Variants in ASAH1 observed in about 807,000 individuals in gnomAD.
The protein encoded by ASAH1 is acid ceramidase.
In ASAH1, 70 loss-of-function variants were observed where a neutral mutation model predicts 59.5. The ratio of observed to expected loss-of-function variants is 1.18; its 90% confidence interval spans 0.97 to 1.43. ASAH1 has a LOEUF of 1.43. ASAH1 is among the 40% of genes most tolerant of loss of function. The pLI, the probability that ASAH1 is intolerant of heterozygous loss-of-function variation, is 0.00. For missense variants in ASAH1, 660 were observed against 482.5 expected, an observed-to-expected ratio of 1.37 and a Z score of -3.45; for synonymous variants, 213 against 166.5, an observed-to-expected ratio of 1.28 and a Z score of -2.15.
rs112776576 is a variant in ASAH1 at position 18,077,852 on chromosome 8, C to T, written c.79-2265G>A. ...TAAGTTCTGCTGTGAGGAGATACTCCGCTTTACATTTTCTTGTTTATCTGA... is the reference window on the plus strand; with the variant it reads ...TAAGTTCTGCTGTGAGGAGATACTCTGCTTTACATTTTCTTGTTTATCTGA... On this transcript the variant is annotated intron_variant, in intron 1 of 13. Transcript: ENST00000637790. Among the ~76,000 whole-genome samples the T allele has an allele frequency of 3.3e-5, 5 of 152,136 alleles. 1 individual carries two copies. The highest frequency in any genetic ancestry group is 7.2e-5 in the African/African-American group (3 of 41,494).
intron 2 of ASAH1, among the ~76,000 whole-genome samples, chr8:18,073,742 CTGTT>C (rs1800272419): frequency 1.3e-5 from 2 of 152,206 alleles, no homozygotes; most frequent in African/African-American, 4.8e-5. Context: ...AACAGAACGT[CTGTT>C]TGTCATTCAA....
intron 13 of ASAH1, 21 bp downstream of exon 13, chr8:18,058,814 T>C: frequency 6.3e-7 from 1 of 1,594,222 alleles, no homozygotes. Flanking sequence ...AAGGCAAATA[T>C]ACATATAACA....
intron 2 of ASAH1, 139 bp from the exon 3 acceptor site, chr8:18,071,529 G>A: frequency 1.6e-6 from 1 of 618,824 alleles, no homozygotes; most frequent in Non-Finnish European, 3.0e-6. Context: ...AATTTGGAAA[G>A]AAAGTTCATT....
chr8:18,084,421 T>C (rs1800809502), upstream of ASAH1: 2 of 1,370,394 alleles, frequency 1.5e-6, no homozygotes, highest in South Asian at 3.0e-5. Context: ...GGCGCCTCGA[T>C]GGGGCGCCTC....
upstream of ASAH1, chr8:18,084,961 C>T: frequency 9.8e-7 from 1 of 1,019,480 alleles, no homozygotes; most frequent in Non-Finnish European, 1.5e-6. Flanking sequence ...GGTTGGATTT[C>T]AAAGTCCAGC....
intron 11 of ASAH1, 52 bp from the exon 12 acceptor site, chr8:18,059,516 A>C: frequency 6.2e-7 from 1 of 1,614,216 alleles, no homozygotes; most frequent in South Asian, 1.1e-5. Flanking sequence ...TAAAACTCAA[A>C]GTATATCAGT....
upstream of ASAH1, chr8:18,084,819 T>C (rs1393859364): frequency 6.2e-7 from 1 of 1,612,486 alleles, no homozygotes; most frequent in African/African-American, 1.3e-5. Context: ...CTGTGTTTCC[T>C]CCTAACTGGC....
chr8:18,059,908 G>C (rs1382291260), intron 10 of ASAH1: 2 of 508,512 alleles, frequency 3.9e-6, no homozygotes, highest in Admixed American at 6.5e-5. Flanking sequence ...TTAGGTATTT[G>C]TCCTAATGCT....
chr8:18,066,422 C>CAAAAAAAAAA (rs35999931), intron 5 of ASAH1: 5 of 127,338 alleles, frequency 3.9e-5, no homozygotes, highest in Non-Finnish European at 6.8e-5. Flanking sequence ...CAAAGAAAAC[C>CAAAAAAAAAA]AAAAAAAAAA....
chr8:18,062,030 A>C lies in ASAH1; in HGVS notation c.648+249T>G, dbSNP rs1799725057. On this transcript the variant is annotated intron_variant, in intron 8 of 13. Coordinates refer to ENST00000637790, the MANE Select transcript of ASAH1 (RefSeq NM_177924.5). ...AGCGGAAGACCCAGGACTAGAAATC[A>C]GATTGTGACTCCCAGCCCTTGACAC... 4.8e-6 allele frequency: 3 copies of C among 621,690 alleles called. No homozygotes were observed. In the African/African-American group the frequency reaches 5.5e-5, roughly 11 times the overall value. The allele number at this position is 621,690 out of a possible 1,614,324, so 38.5% of individuals were successfully genotyped here. A position where few individuals can be genotyped will look rare whatever the true frequency, so the allele number is the denominator to read the frequency against.
intron 2 of ASAH1, among the ~76,000 whole-genome samples, chr8:18,071,933 T>C (rs909910509): frequency 1.3e-5 from 2 of 152,202 alleles, no homozygotes; most frequent in Non-Finnish European, 2.9e-5. Context: ...CATCCTAATC[T>C]TCCCTACTAT....
intron 7 of ASAH1, chr8:18,062,897 G>C: frequency 3.3e-6 from 1 of 300,162 alleles, no homozygotes; most frequent in Non-Finnish European, 6.0e-6. Flanking sequence ...TTGAGATGGA[G>C]TCTGGCTCTG....
At chr8:18,062,498 C>T (rs1472596919) in intron 7 of ASAH1, 75 bp from the exon 8 acceptor site, 3 of 1,511,360 alleles carry the variant, frequency 2.0e-6, no homozygotes, top group Non-Finnish European at 1.8e-6. Flanking sequence ...GAGGGCCAGG[C>T]ATTACACTAG....
chr8:18,057,720 G>GTTATA, intron 13 of ASAH1, 97 bp from the exon 14 acceptor site: 2 of 699,472 alleles, frequency 2.9e-6, no homozygotes, highest in Non-Finnish European at 4.5e-6. Context: ...TGCTTTAGAA[G>GTTATA]TTATTTAATA....
intron 2 of ASAH1, 78 bp from the exon 3 acceptor site, chr8:18,071,468 T>A: frequency 1.0e-6 from 1 of 972,052 alleles, no homozygotes; most frequent in East Asian, 2.8e-5. Context: ...TATAAGAATA[T>A]ATGAGAGGCA....
intron 2 of ASAH1, 161 bp from the exon 3 acceptor site, chr8:18,071,551 G>T (rs1161398792): frequency 8.4e-6 from 5 of 592,970 alleles, no homozygotes; most frequent in Non-Finnish European, 1.6e-5. Context: ...TCTACCTAGT[G>T]CTTCTAGGTT....
chr8:18,080,867 T>C lies in ASAH1; in HGVS notation c.78+3114A>G, dbSNP rs565831958. 1.2e-4 allele frequency among the ~76,000 whole-genome samples: 18 copies of C among 152,348 alleles called. 1 individual carries two copies. The highest frequency in any genetic ancestry group is 4.3e-4 in the African/African-American group (18 of 41,580). On this transcript the variant is annotated intron_variant, in intron 1 of 13. Transcript: ENST00000637790. ...GCCACCGCGCCCGGCCTGTCCTGTT[T>C]TAACTTTGGCAATTTCTCCTCTTCT...
rs1800377078 is a variant in ASAH1 at position 18,075,713 on chromosome 8, T to G, written c.79-126A>C. On this transcript the variant is annotated intron_variant, in intron 1 of 13. Coordinates refer to ENST00000637790, the MANE Select transcript of ASAH1 (RefSeq NM_177924.5). The stretch of plus-strand genomic sequence containing the variant: ...GATATTGCTCTTTTATACGTTTCAA[T>G]GCCTCTTAAAATAAGTCTTTTCTTT... 1.8e-5 allele frequency: 15 copies of G among 814,110 alleles called. No individual in the cohort carries two copies. In the South Asian group the frequency reaches 2.2e-4, roughly 12 times the overall value. The allele number at this position is 814,110 out of a possible 1,614,324, so 50.4% of individuals were successfully genotyped here. A position where few individuals can be genotyped will look rare whatever the true frequency, so the allele number is the denominator to read the frequency against.
intron 5 of ASAH1, 192 bp from the exon 6 acceptor site, chr8:18,064,723 A>G: frequency 1.8e-6 from 1 of 557,908 alleles, no homozygotes; most frequent in South Asian, 2.4e-5. Flanking sequence ...GAAACAAGTC[A>G]CCAAGGAGGC....
Sources: gnomAD v4.1 joint callset for allele counts (sites outside exome capture counted in the v4.1 genomes callset) on GRCh38, gnomAD v4.1.1 for gene constraint, MANE v1.5 for transcripts, NCBI Gene and HGNC (gene_info 2026-07-23, HGNC 2026-07-21) for gene names.